DNAI1: variants seen among roughly 807,000 people sequenced by gnomAD.
DNAI1 encodes the protein dynein axonemal intermediate chain 1, also known as dynein, axonemal, intermediate polypeptide 1.
Under a neutral mutation model 92.0 loss-of-function variants are expected in DNAI1, and 67 were observed. The observed-to-expected ratio is 0.73, with a 90% CI of 0.60 to 0.89. The LOEUF is 0.89. Among genes scored for constraint, DNAI1 ranks in the 40% least tolerant of loss-of-function variants. The pLI is 0.00. For missense variants in DNAI1, 839 were observed against 866.6 expected, an observed-to-expected ratio of 0.97 and a Z score of 0.40; for synonymous variants, 323 against 319.6, an observed-to-expected ratio of 1.01 and a Z score of -0.11.
Position 34,458,914 on chromosome 9 carries a change from G to T in DNAI1, c.-92G>T. On this transcript the variant is annotated 5_prime_UTR_variant, in exon 1 of 20. Transcript: ENST00000242317. The surrounding 1 kb of genome is among the most constrained non-coding windows in gnomAD (Gnocchi z 6.6). ...GTTGCGACTGGTAACTGAAGTGGAA[G>T]AGAGTCCAGATTTCTTGTGTGTGGT... 1.8e-6 allele frequency: 2 copies of T among 1,142,552 alleles called. No individual in the cohort carries two copies. The allele number at this position is 1,142,552 out of a possible 1,614,324, so 70.8% of individuals were successfully genotyped here.
chr9:34,477,924 CTTTTTTT>C (rs74180566), intron 1 of DNAI1, among the ~76,000 whole-genome samples: 3 of 49,008 alleles, frequency 6.1e-5, no homozygotes, highest in East Asian at 6.0e-4. Context: ...CTCTCTCTCT[CTTTTTTT>C]TTTTTTTTTT....
chr9:34,490,184 T>G (rs770484828), intron 6 of DNAI1, 60 bp downstream of exon 6: 8 of 1,613,386 alleles, frequency 5.0e-6, no homozygotes, highest in Non-Finnish European at 6.8e-6. Context: ...GATGGAGGCT[T>G]CATGGGTAAC....
intron 8 of DNAI1, among the ~76,000 whole-genome samples, chr9:34,492,202 A>C (rs951692713): frequency 1.3e-5 from 2 of 151,946 alleles, no homozygotes; most frequent in African/African-American, 4.8e-5. Context: ...GTGGAATAGG[A>C]GACTGGGGGG....
At chr9:34,514,191 C>T (rs1261412708) in intron 16 of DNAI1, among the ~76,000 whole-genome samples, 3 of 152,200 alleles carry the variant, frequency 2.0e-5, no homozygotes, top group African/African-American at 7.2e-5. Context: ...CCTGCCCATC[C>T]TGAACCCCCA....
At chr9:34,470,156 A>T (rs1824111504) in intron 1 of DNAI1, among the ~76,000 whole-genome samples, 1 of 152,232 alleles carries the variant, frequency 6.6e-6, no homozygotes, top group Non-Finnish European at 1.5e-5. Flanking sequence ...AAATACAAAA[A>T]GGCACATATG....
chr9:34,501,936 C>G (rs1189114087), intron 12 of DNAI1, among the ~76,000 whole-genome samples: 1 of 152,192 alleles, frequency 6.6e-6, no homozygotes, highest in African/African-American at 2.4e-5. Flanking sequence ...GAAGAAGCCC[C>G]TAGCGCTGTG....
intron 1 of DNAI1, among the ~76,000 whole-genome samples, chr9:34,479,205 G>A (rs1019938139): frequency 1.3e-5 from 2 of 152,172 alleles, no homozygotes; most frequent in East Asian, 1.9e-4. Flanking sequence ...GTGGTAGAAC[G>A]GTTGGAATGG....
intron 2 of DNAI1, 23 bp downstream of exon 2, chr9:34,483,503 T>A: frequency 6.2e-7 from 1 of 1,607,376 alleles, no homozygotes; most frequent in South Asian, 1.1e-5. Flanking sequence ...ACTACCATGG[T>A]CTCTCAGCAA....
At chr9:34,491,125 G>T (rs1824582650) in intron 7 of DNAI1, among the ~76,000 whole-genome samples, 5 of 152,194 alleles carry the variant, frequency 3.3e-5, no homozygotes, top group Admixed American at 3.3e-4. Flanking sequence ...CCTCATATTA[G>T]AGAGGCCTTC....
chr9:34,460,699 G>A (rs112272737), intron 1 of DNAI1, among the ~76,000 whole-genome samples: 5 of 152,098 alleles, frequency 3.3e-5, no homozygotes, highest in African/African-American at 1.2e-4. Flanking sequence ...TTTCACTCTT[G>A]TCACCCAGGG....
At chr9:34,512,077 G>C (rs765616762) in intron 13 of DNAI1, 32 bp from the exon 14 acceptor site, 26 of 1,604,496 alleles carry the variant, frequency 1.6e-5, no homozygotes, top group Middle Eastern at 3.3e-4. Context: ...ACTTTAGCAG[G>C]GTCCCAGAGC....
intron 1 of DNAI1, among the ~76,000 whole-genome samples, chr9:34,462,059 A>G (rs1034499402): frequency 6.6e-6 from 1 of 152,240 alleles, no homozygotes; most frequent in African/African-American, 2.4e-5. Flanking sequence ...TTTAAATTCC[A>G]TTTGTTCATA....
At chr9:34,480,135 C>T (rs1431741056) in intron 1 of DNAI1, among the ~76,000 whole-genome samples, 1 of 152,200 alleles carries the variant, frequency 6.6e-6, no homozygotes, top group East Asian at 1.9e-4. Context: ...GCATTGAACC[C>T]TCCTGCAGTG....
chr9:34,490,334 A>C (rs753307697), intron 6 of DNAI1, 35 bp from the exon 7 acceptor site: 4 of 1,614,150 alleles, frequency 2.5e-6, no homozygotes, highest in Non-Finnish European at 3.4e-6. Context: ...ACCTTCTCAC[A>C]GCTGATTCCT....
At chr9:34,482,754 C>G (rs564098632) in intron 1 of DNAI1, among the ~76,000 whole-genome samples, 1 of 152,392 alleles carries the variant, frequency 6.6e-6, no homozygotes, top group African/African-American at 2.4e-5. Flanking sequence ...AGTCCTGCGC[C>G]TTGCGCTCGC....
chr9:34,490,149 C>T (rs1824557818), intron 6 of DNAI1, 25 bp downstream of exon 6: 1 of 1,613,454 alleles, frequency 6.2e-7, no homozygotes. Context: ...CGCTCTGTGT[C>T]CCTCTTCTTC....
At chr9:34,506,118 G>A (rs1824923804) in intron 12 of DNAI1, among the ~76,000 whole-genome samples, 1 of 152,168 alleles carries the variant, frequency 6.6e-6, no homozygotes, top group East Asian at 1.9e-4. Context: ...TAGGGCTCAG[G>A]CTGAACCTGG....
chr9:34,464,840 G>A (rs1411452887), intron 1 of DNAI1, among the ~76,000 whole-genome samples: 1 of 152,124 alleles, frequency 6.6e-6, no homozygotes, highest in Non-Finnish European at 1.5e-5. Flanking sequence ...CATGTGGTAG[G>A]GGGTCTTCAT....
intron 6 of DNAI1, 101 bp from the exon 7 acceptor site, chr9:34,490,268 C>G (rs776403133): frequency 6.8e-6 from 11 of 1,609,482 alleles, no homozygotes; most frequent in Non-Finnish European, 8.5e-6. Context: ...GCATCACTCT[C>G]TCCTACCTCT....
Sources: gnomAD v4.1 joint callset for allele counts (sites outside exome capture counted in the v4.1 genomes callset) on GRCh38, gnomAD v4.1.1 for gene constraint, Gnocchi (gnomAD v3.1) non-coding constraint, MANE v1.5 for transcripts, NCBI Gene and HGNC (gene_info 2026-07-23, HGNC 2026-07-21) for gene names.